The following GLP2R variants were observed in gnomAD, a reference collection of about 807,000 sequenced individuals.
GLP2R encodes the protein glucagon like peptide 2 receptor.
A neutral mutation model predicts 68.2 loss-of-function variants in GLP2R; 59 were observed. That is an observed-to-expected ratio of 0.87 (90% confidence interval 0.70 to 1.07). The LOEUF is 1.07. Among genes scored for constraint, GLP2R ranks in the 50% least tolerant of loss-of-function variants. The probability of loss-of-function intolerance (pLI) is 0.00; values close to 1 mark genes in which losing one functional copy is unlikely to be tolerated. For synonymous variants in GLP2R, 270 were observed against 265.4 expected (o/e 1.02, Z -0.17); for missense variants, 548 against 677.4 (o/e 0.81, Z 2.12).
chr17:9,869,078 T>C (rs1382452505), intron 9 of GLP2R, among the ~76,000 whole-genome samples: 2 of 152,192 alleles, frequency 1.3e-5, no homozygotes, highest in Non-Finnish European at 2.9e-5. Flanking sequence ...ATAACAAAGA[T>C]CATTTGACTC....
intron 12 of GLP2R, 69 bp from the exon 13 acceptor site, chr17:9,889,301 A>G (rs2067269279): frequency 9.4e-7 from 1 of 1,058,680 alleles, no homozygotes; most frequent in African/African-American, 1.6e-5. Flanking sequence ...TACTCAATTA[A>G]TATTTGCTAA....
chr17:9,871,445 G>A (rs929641795), intron 10 of GLP2R, among the ~76,000 whole-genome samples: 5 of 152,074 alleles, frequency 3.3e-5, no homozygotes, highest in African/African-American at 1.2e-4. Context: ...GGAAGGATTT[G>A]AAGAGAAGAG....
At chr17:9,834,299 A>T (rs1034101614) in intron 2 of GLP2R, among the ~76,000 whole-genome samples, 2 of 152,078 alleles carry the variant, frequency 1.3e-5, no homozygotes, top group African/African-American at 2.4e-5. Flanking sequence ...ATGAAACCAC[A>T]TGTATGTGGA....
chr17:9,873,137 A>G (rs2152044956), intron 10 of GLP2R, among the ~76,000 whole-genome samples: 1 of 152,096 alleles, frequency 6.6e-6, no homozygotes, highest in South Asian at 2.1e-4. Flanking sequence ...GCTCTAGTCC[A>G]CCCTGCTGGG....
At chr17:9,859,834 AAAAAAAAAAAAAG>A in intron 6 of GLP2R, 95 bp from the exon 7 acceptor site, 1 of 589,020 alleles carries the variant, frequency 1.7e-6, no homozygotes, top group Non-Finnish European at 2.5e-6. Context: ...AAAAAAAAAA[AAAAAAAAAAAAAG>A]AGGGAGAGGT....
intron 10 of GLP2R, among the ~76,000 whole-genome samples, chr17:9,871,322 C>G (rs1036801468): frequency 6.6e-6 from 1 of 150,712 alleles, no homozygotes; most frequent in South Asian, 2.1e-4. Flanking sequence ...CCACTGCACT[C>G]CAGCCTGGGT....
At chr17:9,879,268 A>ATATAAAATAAAATAAAATAT in intron 10 of GLP2R, among the ~76,000 whole-genome samples, 1 of 13,170 alleles carries the variant, frequency 7.6e-5, no homozygotes. Flanking sequence ...AAATAAAATA[A>ATATAAAATAAAATAAAATAT]AATAAAATAA....
chr17:9,884,589 C>T (rs79334019), intron 11 of GLP2R, among the ~76,000 whole-genome samples: 2 of 152,204 alleles, frequency 1.3e-5, no homozygotes, highest in East Asian at 1.9e-4. Context: ...GCTGAGATTT[C>T]GTACACAGAG....
intron 3 of GLP2R, among the ~76,000 whole-genome samples, chr17:9,841,324 G>A (rs1169587246): frequency 2.6e-5 from 4 of 151,994 alleles, no homozygotes; most frequent in Non-Finnish European, 4.4e-5. Flanking sequence ...CACCACGCCT[G>A]GCCTGTGTGG....
chr17:9,855,423 G>A (rs936048665), intron 5 of GLP2R, among the ~76,000 whole-genome samples: 10 of 152,114 alleles, frequency 6.6e-5, no homozygotes, highest in Non-Finnish European at 1.3e-4. Flanking sequence ...CTGTGCGCCC[G>A]GCCCTGGTGT....
intron 12 of GLP2R, among the ~76,000 whole-genome samples, chr17:9,888,269 A>G (rs908148611): frequency 2.6e-5 from 4 of 152,170 alleles, no homozygotes; most frequent in African/African-American, 9.7e-5. Flanking sequence ...TCAGAGTCCA[A>G]AAATCTGAAT....
intron 4 of GLP2R, among the ~76,000 whole-genome samples, chr17:9,843,926 ATCTTG>A (rs2066812154): frequency 1.2e-4 from 1 of 8,390 alleles, no homozygotes; most frequent in South Asian, 3.9e-3. Flanking sequence ...GAGTCTTGTG[ATCTTG>A]TGAGGCATAG....
chr17:9,858,995 G>GA (rs1427929538), intron 6 of GLP2R, among the ~76,000 whole-genome samples: 1 of 151,896 alleles, frequency 6.6e-6, no homozygotes, highest in African/African-American at 2.4e-5. Flanking sequence ...TTCCTCCCAT[G>GA]TACTTTCTTT....
chr17:9,878,662 C>T (rs977482386), intron 10 of GLP2R, among the ~76,000 whole-genome samples: 21 of 152,174 alleles, frequency 1.4e-4, no homozygotes, highest in Non-Finnish European at 2.2e-4. Context: ...GGAGTCCCTC[C>T]GTCCTGGTGG....
At chr17:9,840,960 G>A (rs1186859461) in intron 3 of GLP2R, among the ~76,000 whole-genome samples, 1 of 151,762 alleles carries the variant, frequency 6.6e-6, no homozygotes, top group African/African-American at 2.4e-5. Flanking sequence ...AAGGCCAGAA[G>A]ACTTTTTCTC....
chr17:9,829,361 A>G (rs1425239398), intron 1 of GLP2R, among the ~76,000 whole-genome samples: 1 of 150,922 alleles, frequency 6.6e-6, no homozygotes, highest in Non-Finnish European at 1.5e-5. Flanking sequence ...ACAGTTTGGC[A>G]GTCAAAAACC....
intron 8 of GLP2R, among the ~76,000 whole-genome samples, chr17:9,861,746 A>T (rs1462466262): frequency 6.6e-6 from 1 of 152,228 alleles, no homozygotes; most frequent in Non-Finnish European, 1.5e-5. Context: ...TTAGGAATTT[A>T]TGTTTGTATG....
chr17:9,873,403 G>C (rs1169455273), intron 10 of GLP2R, among the ~76,000 whole-genome samples: 1 of 152,076 alleles, frequency 6.6e-6, no homozygotes, highest in South Asian at 2.1e-4. Flanking sequence ...CCGGACAGCT[G>C]GCCAGAAGTG....
chr17:9,864,482 GT>G (rs76940480), intron 9 of GLP2R, among the ~76,000 whole-genome samples: 4 of 143,604 alleles, frequency 2.8e-5, no homozygotes, highest in African/African-American at 9.9e-5. Context: ...AGTTTTTTCT[GT>G]TTTTTTGTTT....
Sources: gnomAD v4.1 joint callset for allele counts (sites outside exome capture counted in the v4.1 genomes callset) on GRCh38, gnomAD v4.1.1 for gene constraint, MANE v1.5 for transcripts, NCBI Gene and HGNC (gene_info 2026-07-23, HGNC 2026-07-21) for gene names.